Variants in SLC30A4 observed in about 807,000 individuals in gnomAD.
SLC30A4 encodes probable proton-coupled zinc antiporter SLC30A4.
In SLC30A4, 20 loss-of-function variants were observed where a neutral mutation model predicts 41.7. The ratio of observed to expected loss-of-function variants is 0.48; its 90% CI spans 0.34 to 0.70. SLC30A4 has a LOEUF of 0.70. Among genes scored for constraint, SLC30A4 ranks in the 30% least tolerant of loss-of-function variants. The pLI is 0.01. For synonymous variants in SLC30A4, 181 were observed against 195.9 expected (o/e 0.92, Z 0.64); for missense variants, 441 against 529.3 (o/e 0.83, Z 1.64).
Position 45,511,274 on chromosome 15 carries a change from A to G in SLC30A4, c.402T>C (p.Ile134=). Reference sequence around the variant, plus strand: ...CTGTCATGATTGCTAGGCTATTTGCAATGTATCCACCTTAGAGTTACAAGT... The same window carrying G: ...CTGTCATGATTGCTAGGCTATTTGCGATGTATCCACCTTAGAGTTACAAGT... The part of the protein sequence containing the change: ...FMIGELVGGY[I]ANSLAIMTDA... Residue 134 remains isoleucine (I), a synonymous_variant, in exon 3 of 8, where the codon ATT becomes ATC. Coordinates refer to ENST00000261867, the MANE Select transcript of SLC30A4 (RefSeq NM_013309.6). 5 of 1,605,158 alleles carry G rather than the reference A, an allele frequency of 3.1e-6. No homozygotes were observed. The Middle Eastern group carries it at 6.6e-4, about 213-fold the overall frequency.
chr15:45,498,778 T>C (rs1304956337), intron 3 of SLC30A4, among the ~76,000 whole-genome samples: 2 of 152,220 alleles, frequency 1.3e-5, no homozygotes, highest in African/African-American at 2.4e-5. Context: ...ATGTGAATAA[T>C]TAATAGGCAT....
At chr15:45,514,205 C>T (rs1381148958) in intron 2 of SLC30A4, among the ~76,000 whole-genome samples, 3 of 151,786 alleles carry the variant, frequency 2.0e-5, no homozygotes, top group African/African-American at 7.3e-5. Flanking sequence ...ATTAGTTGGG[C>T]ATGGTGGCAC....
At chr15:45,521,835 T>G (rs887915375) in intron 2 of SLC30A4, 129 bp downstream of exon 2, 17 of 890,238 alleles carry the variant, frequency 1.9e-5, no homozygotes, top group East Asian at 5.2e-5. Flanking sequence ...CCTTTTCACA[T>G]GAGATCAGTG....
intron 6 of SLC30A4, among the ~76,000 whole-genome samples, chr15:45,487,078 TTG>T (rs1891717852): frequency 1.3e-5 from 2 of 151,912 alleles, no homozygotes; most frequent in Non-Finnish European, 2.9e-5. Context: ...AATAAGCCTA[TTG>T]TTAAGAACTT....
intron 2 of SLC30A4, among the ~76,000 whole-genome samples, chr15:45,519,034 C>T (rs776348567): frequency 5.3e-5 from 8 of 151,708 alleles, no homozygotes; most frequent in African/African-American, 1.5e-4. Flanking sequence ...TGGGTTAAAG[C>T]GATTTCTGGC....
chr15:45,489,447 T>C (rs1387191770), intron 4 of SLC30A4, among the ~76,000 whole-genome samples: 1 of 151,640 alleles, frequency 6.6e-6, no homozygotes, highest in East Asian at 1.9e-4. Flanking sequence ...GGCGGAAGAA[T>C]AGCAGAGCAA....
chr15:45,503,883 T>G (rs542225928), intron 3 of SLC30A4, among the ~76,000 whole-genome samples: 3 of 150,626 alleles, frequency 2.0e-5, no homozygotes, highest in African/African-American at 7.3e-5. Flanking sequence ...GAGGCAGAGG[T>G]TGCGGTGAGC....
At chr15:45,511,735 C>T (rs1342254350) in intron 2 of SLC30A4, among the ~76,000 whole-genome samples, 6 of 152,216 alleles carry the variant, frequency 3.9e-5, no homozygotes, top group Non-Finnish European at 5.9e-5. Flanking sequence ...CCACTCGCCT[C>T]GGCCTTGCAA....
In SLC30A4 at chr15:45,487,573, A is replaced by T. The variant is rs780955144; in HGVS notation, c.954T>A (p.Phe318Leu). Residue 318 changes from phenylalanine (F) to leucine (L), a missense_variant, in exon 6 of 8, where the codon TTT becomes TTA. This residue lies in a region of SLC30A4 where 29 missense variants were observed against 66.4 expected (regional missense o/e 0.44). Transcript: ENST00000261867. Reference protein sequence around the residue: ...CTYVFSLLVAFTTFRIIWDTV... With the variant: ...CTYVFSLLVALTTFRIIWDTV... Reference sequence around the variant, plus strand: ...TATCCCATATGATTCGAAATGTTGTAAAAGCCACAAGTAATGAAAATACGT... The same window carrying T: ...TATCCCATATGATTCGAAATGTTGTTAAAGCCACAAGTAATGAAAATACGT... 1 of 1,579,694 alleles carries T rather than the reference A, an allele frequency of 6.3e-7. No homozygotes were observed. The highest frequency in any genetic ancestry group is 1.4e-5 in the African/African-American group (1 of 73,924).
In SLC30A4 at chr15:45,521,893, C is replaced by CTG. The variant is rs557972204; in HGVS notation, c.391+69_391+70dup. Reference sequence around the variant, plus strand: ...GAAAAGATGGGTTAAACCTCAAAGCCTGTGTAACTACAGCTTGACAAAGAC... The same window carrying CTG: ...GAAAAGATGGGTTAAACCTCAAAGCCTGTGTGTAACTACAGCTTGACAAAGAC... On this transcript the variant is annotated intron_variant, in intron 2 of 7. Coordinates refer to ENST00000261867, the MANE Select transcript of SLC30A4 (RefSeq NM_013309.6). 111 of 1,480,026 alleles carry CTG rather than the reference C, an allele frequency of 7.5e-5. 1 individual carries two copies. In the South Asian group the frequency reaches 1.3e-3, roughly 17 times the overall value. 91.7% of individuals were successfully genotyped at this position (1,480,026 alleles called of 1,614,324 possible). A position where few individuals can be genotyped will look rare whatever the true frequency, so the allele number is the denominator to read the frequency against.
At position 45,488,960 on chromosome 15, in the gene SLC30A4, C is replaced by T. The variant is rs773695242; in HGVS notation, c.775G>A (p.Gly259Arg). Residue 259 changes from glycine (G) to arginine (R), a missense_variant, in exon 5 of 8, where the codon GGG becomes AGG. This residue lies in a region of SLC30A4 where 312 missense variants were observed against 341.9 expected (regional missense o/e 0.91). Transcript: ENST00000261867. ...LPSNSPTRGS[G>R]CERNHGQDSL... ...TCCTGCCCATGGTTACGTTCACACC[C>T]AGAACCTCTGGTAGGGGAATTTGAA... 6.2e-7 allele frequency: 1 copy of T among 1,614,120 alleles called. No individual in the cohort carries two copies.
intron 3 of SLC30A4, among the ~76,000 whole-genome samples, chr15:45,509,420 A>C (rs180731146): frequency 2.6e-5 from 4 of 151,960 alleles, no homozygotes; most frequent in Admixed American, 6.6e-5. Context: ...TGCCCAGCTA[A>C]TTTCTGTATT....
At chr15:45,496,297 G>A (rs1263424264) in intron 3 of SLC30A4, among the ~76,000 whole-genome samples, 4 of 151,982 alleles carry the variant, frequency 2.6e-5, no homozygotes, top group Non-Finnish European at 5.9e-5. Flanking sequence ...AGATAAAAAC[G>A]GGCAAGATTC....
At chr15:45,502,478 T>A (rs1000900266) in intron 3 of SLC30A4, 5 of 152,186 alleles carry the variant, frequency 3.3e-5, no homozygotes, top group African/African-American at 1.2e-4. Flanking sequence ...CTCAACCTCC[T>A]GGACCCAAGC....
intron 3 of SLC30A4, among the ~76,000 whole-genome samples, chr15:45,500,691 AT>A (rs1260746813): frequency 3.3e-5 from 5 of 149,600 alleles, no homozygotes; most frequent in Admixed American, 1.3e-4. Flanking sequence ...TTATTTTTTT[AT>A]TTTTTTTGAG....
At chr15:45,509,485 C>T (rs560789951) in intron 3 of SLC30A4, among the ~76,000 whole-genome samples, 2 of 152,076 alleles carry the variant, frequency 1.3e-5, no homozygotes, top group Non-Finnish European at 2.9e-5. Context: ...AACTCCTGAT[C>T]TCAGGTGATC....
At position 45,483,260 on chromosome 15, in the gene SLC30A4, A is replaced by T. The variant is rs1287820145; in HGVS notation, c.*1903T>A. ...GAAGATAAAATGTTTCCTATTCTTC[A>T]TTTATATTGTAAGTCATCTGCATGC... On this transcript the variant is annotated 3_prime_UTR_variant, in exon 8 of 8. Transcript: ENST00000261867. The T allele has an allele frequency of 1.3e-5, 2 of 152,178 alleles. No individual in the cohort carries two copies. The highest frequency in any genetic ancestry group is 2.9e-5 in the Non-Finnish European group (2 of 68,020). 9.4% of individuals were successfully genotyped at this position (152,178 alleles called of 1,614,324 possible).
At chr15:45,510,213 T>C (rs766885888) in intron 3 of SLC30A4, among the ~76,000 whole-genome samples, 1 of 152,178 alleles carries the variant, frequency 6.6e-6, no homozygotes, top group Non-Finnish European at 1.5e-5. Context: ...AAAAGTTTAC[T>C]GCACTCCAGC....
intron 2 of SLC30A4, chr15:45,515,848 C>A (rs1224188282): frequency 6.6e-6 from 1 of 151,880 alleles, no homozygotes; most frequent in African/African-American, 2.4e-5. Context: ...TTCTTGTCCT[C>A]AAGTGATCCT....
Sources: allele counts gnomAD v4.1 joint callset (sites outside exome capture counted in the v4.1 genomes callset), GRCh38; gene constraint gnomAD v4.1.1; regional missense constraint gnomAD v4.1.1; transcripts MANE v1.5; gene names NCBI Gene and HGNC (gene_info 2026-07-23, HGNC 2026-07-21).